The following SLC12A8 variants were observed in gnomAD, a reference collection of about 807,000 sequenced individuals.
The protein encoded by SLC12A8 is solute carrier family 12 member 8, also known as cation-chloride cotransporter 9.
Under a neutral mutation model 75.6 loss-of-function variants are expected in SLC12A8, and 69 were observed. The observed-to-expected ratio is 0.91, with a 90% CI of 0.75 to 1.11. SLC12A8 has a LOEUF of 1.11. SLC12A8 is among the 50% of genes most tolerant of loss of function. The pLI, the probability that SLC12A8 is intolerant of heterozygous loss-of-function variation, is 0.00. For missense variants in SLC12A8, 877 were observed against 896.7 expected (o/e 0.98, Z 0.28); for synonymous variants, 365 against 372.8 (o/e 0.98, Z 0.24).
In SLC12A8 at chr3:125,107,535, A is replaced by G; in HGVS notation, c.1651T>C (p.Tyr551His). Residue 551 changes from tyrosine to histidine, a missense_variant, in exon 10 of 14, where the codon TAT becomes CAT. Coordinates refer to ENST00000469902, the MANE Select transcript of SLC12A8 (RefSeq NM_024628.6). ...KSEGTQPEGT[Y>H]GEQLVPELCN... ...AGCTCAGGAACAAGTTGCTCTCCAT[A>G]TGTTCCCTCAGGCTGAGTCCCTTCG... is the stretch of plus-strand genomic sequence containing the variant. 6.2e-7 allele frequency: 1 copy of G among 1,614,062 alleles called. No homozygotes were observed. Among genetic ancestry groups the G allele is most frequent in the Non-Finnish European group, 8.5e-7 (1 of 1,179,984 alleles).
At position 125,177,740 on chromosome 3, in the gene SLC12A8, T is replaced by C. The variant is rs1934565458; in HGVS notation, c.622+3A>G. On this transcript the variant is annotated splice_donor_region_variant and intron_variant, in intron 5 of 13. Transcript: ENST00000469902. ...GCCACATACTGGACTCTGAAAGGCTTACCTGGGTCCAGGTGGGTGAAAGAA... is the reference window on the plus strand; with the variant it reads ...GCCACATACTGGACTCTGAAAGGCTCACCTGGGTCCAGGTGGGTGAAAGAA... The C allele has an allele frequency of 1.2e-6, 2 of 1,612,646 alleles. No individual in the cohort carries two copies. Among genetic ancestry groups the C allele is most frequent in the Non-Finnish European group, 1.7e-6 (2 of 1,178,742 alleles).
chr3:125,136,461 C>T (rs559194566), intron 5 of SLC12A8, among the ~76,000 whole-genome samples: 1 of 152,228 alleles, frequency 6.6e-6, no homozygotes, highest in African/African-American at 2.4e-5. Flanking sequence ...TTCCTCCCCC[C>T]TCACTGCTGT....
At chr3:125,191,529 C>T (rs910297470) in intron 2 of SLC12A8, among the ~76,000 whole-genome samples, 1 of 152,206 alleles carries the variant, frequency 6.6e-6, no homozygotes, top group Non-Finnish European at 1.5e-5. Flanking sequence ...CTAGGAGTCA[C>T]TGTGTGCAAT....
At chr3:125,120,960 C>A in intron 6 of SLC12A8, 1 of 671,282 alleles carries the variant, frequency 1.5e-6, no homozygotes, top group South Asian at 1.6e-5. Context: ...CGCAAAGCAA[C>A]CAGGGGGGAG....
intron 10 of SLC12A8, among the ~76,000 whole-genome samples, chr3:125,102,717 G>A (rs114501281): frequency 0.017 from 2,581 of 152,198 alleles, 29 homozygotes; most frequent in Non-Finnish European, 0.028. Context: ...GACTGTCCAC[G>A]TCTCTCCTGA....
chr3:125,094,428 G>T (rs1041906377), intron 10 of SLC12A8, among the ~76,000 whole-genome samples: 1 of 152,012 alleles, frequency 6.6e-6, no homozygotes, highest in African/African-American at 2.4e-5. Flanking sequence ...AACTTTTCAT[G>T]TTCTCTCATC....
intron 4 of SLC12A8, among the ~76,000 whole-genome samples, chr3:125,184,548 C>G (rs998483660): frequency 4.6e-5 from 7 of 151,870 alleles, no homozygotes; most frequent in Non-Finnish European, 1.0e-4. Context: ...GTTTGCTGAC[C>G]CCTGCTTGGG....
chr3:125,178,029 G>A (rs1934578263), intron 4 of SLC12A8, 55 bp from the exon 5 acceptor site: 3 of 1,439,516 alleles, frequency 2.1e-6, no homozygotes, highest in African/African-American at 1.4e-5. Context: ...ATGGGCCCAT[G>A]GGCAGAACCG....
chr3:125,119,772 AT>A, intron 7 of SLC12A8: 1 of 436,324 alleles, frequency 2.3e-6, no homozygotes, highest in African/African-American at 2.0e-5. Context: ...ATACATTAAT[AT>A]TTTCTAAATA....
chr3:125,133,494 C>T (rs1933412958), intron 6 of SLC12A8, among the ~76,000 whole-genome samples: 1 of 151,820 alleles, frequency 6.6e-6, no homozygotes, highest in Non-Finnish European at 1.5e-5. Context: ...TGTCACCCAC[C>T]TCCCACCCCT....
At chr3:125,085,742 A>G (rs1283272384) in intron 13 of SLC12A8, among the ~76,000 whole-genome samples, 1 of 151,698 alleles carries the variant, frequency 6.6e-6, no homozygotes. Flanking sequence ...ACACCCGGCT[A>G]ACTTTTGTAT....
chr3:125,136,468 C>T (rs1293942364), intron 5 of SLC12A8, among the ~76,000 whole-genome samples: 3 of 152,206 alleles, frequency 2.0e-5, no homozygotes, highest in Non-Finnish European at 4.4e-5. Flanking sequence ...CCCCTCACTG[C>T]TGTTGACGCT....
intron 5 of SLC12A8, among the ~76,000 whole-genome samples, chr3:125,137,664 A>G (rs1933525307): frequency 6.6e-6 from 1 of 152,226 alleles, no homozygotes; most frequent in Non-Finnish European, 1.5e-5. Context: ...GGCGGCCCTG[A>G]CACAGGGGAA....
At chr3:125,172,809 T>C (rs920061285) in intron 5 of SLC12A8, among the ~76,000 whole-genome samples, 1 of 152,262 alleles carries the variant, frequency 6.6e-6, no homozygotes, top group African/African-American at 2.4e-5. Context: ...AATTGTTTCG[T>C]TGTTTATATT....
At chr3:125,111,597 CAGCTT>C (rs1217266996) in intron 8 of SLC12A8, among the ~76,000 whole-genome samples, 2,045 of 152,310 alleles carry the variant, frequency 0.013, 43 homozygotes, top group African/African-American at 0.045. Flanking sequence ...AGTTAATATT[CAGCTT>C]TGTCACTTAC....
At chr3:125,098,186 A>G (rs1174921593) in intron 10 of SLC12A8, among the ~76,000 whole-genome samples, 1 of 152,222 alleles carries the variant, frequency 6.6e-6, no homozygotes, top group Non-Finnish European at 1.5e-5. Flanking sequence ...CATAGTTCTA[A>G]TTAGCATGTA....
intron 5 of SLC12A8, among the ~76,000 whole-genome samples, chr3:125,172,684 A>C (rs967999249): frequency 6.6e-6 from 1 of 152,196 alleles, no homozygotes; most frequent in East Asian, 1.9e-4. Flanking sequence ...ATAGATAACT[A>C]ATACGTGGAC....
chr3:125,207,166 TCTGACGGGGAGC>T (rs1935242097), intron 2 of SLC12A8, among the ~76,000 whole-genome samples: 1 of 152,140 alleles, frequency 6.6e-6, no homozygotes, highest in African/African-American at 2.4e-5. Context: ...TCACAATGGT[TCTGACGGGGAGC>T]CTGCTCCCAC....
chr3:125,125,872 A>T (rs1933191999), intron 6 of SLC12A8: 1 of 942,004 alleles, frequency 1.1e-6, no homozygotes, highest in Non-Finnish European at 1.3e-6. Context: ...GTGGGGTTAC[A>T]TACCCACAAG....
Sources: allele counts gnomAD v4.1 joint callset (sites outside exome capture counted in the v4.1 genomes callset), GRCh38; gene constraint gnomAD v4.1.1; transcripts MANE v1.5; gene names NCBI Gene and HGNC (gene_info 2026-07-23, HGNC 2026-07-21).